Variants in DTNA observed in about 807,000 individuals in gnomAD.
The protein encoded by DTNA is dystrobrevin alpha.
Under a neutral mutation model 100.7 loss-of-function variants are expected in DTNA, and 43 were observed. That is an observed-to-expected ratio of 0.43 (90% CI 0.33 to 0.55). The LOEUF (loss-of-function observed/expected upper bound fraction) is 0.55, where lower values mean the gene tolerates loss of function less well. Ranked by LOEUF, DTNA falls within the 20% of genes least tolerant of loss-of-function variation. The pLI is 0.04. For synonymous variants in DTNA, 349 were observed against 347.9 expected (o/e 1.00, Z -0.04); for missense variants, 798 against 953.9 (o/e 0.84, Z 2.15).
chr18:34,581,272 C>CAAAACA (rs1555629735), intron 1 of DTNA, among the ~76,000 whole-genome samples: 8 of 139,546 alleles, frequency 5.7e-5, no homozygotes, highest in East Asian at 2.0e-4. Flanking sequence ...CAAAACAAAA[C>CAAAACA]AAAAAAACAA....
intron 1 of DTNA, among the ~76,000 whole-genome samples, chr18:34,629,405 T>C (rs1178008887): frequency 2.6e-5 from 4 of 152,224 alleles, no homozygotes; most frequent in Non-Finnish European, 5.9e-5. Flanking sequence ...ACTGGTTTTA[T>C]TTTTTATCCT....
At position 34,674,870 on chromosome 18, in the gene DTNA, G is replaced by A. The variant is rs2077206758; in HGVS notation, c.-1-81106G>A. 2.6e-5 allele frequency among the ~76,000 whole-genome samples: 4 copies of A among 152,254 alleles called. No homozygotes were observed. The South Asian group carries it at 8.3e-4, about 32-fold the overall frequency. On this transcript the variant is annotated intron_variant, in intron 1 of 19. Transcript: ENST00000283365. ...TCATGGTAATTTTAAATGATAACAG[G>A]TGCTGCAATGAAAGACCTCCAAGAG...
intron 11 of DTNA, among the ~76,000 whole-genome samples, chr18:34,834,455 A>G (rs113003526): frequency 2.0e-5 from 3 of 151,988 alleles, no homozygotes; most frequent in African/African-American, 7.3e-5. Flanking sequence ...GTGAGCCAAG[A>G]TCGCACCATT....
intron 21 of DTNA, 77 bp from the exon 22 acceptor site, chr18:34,884,651 C>T (rs1304323339): frequency 1.3e-6 from 2 of 1,531,780 alleles, no homozygotes; most frequent in African/African-American, 1.4e-5. Context: ...TGGCTTCCCG[C>T]CAAATAATTC....
At chr18:34,736,379 G>T (rs548909686) in intron 1 of DTNA, among the ~76,000 whole-genome samples, 2 of 152,006 alleles carry the variant, frequency 1.3e-5, no homozygotes, top group African/African-American at 2.4e-5. Flanking sequence ...GAATAAATCC[G>T]CTCATGCAAA....
chr18:34,735,338 C>A (rs957409362), intron 1 of DTNA, among the ~76,000 whole-genome samples: 2 of 152,152 alleles, frequency 1.3e-5, no homozygotes, highest in African/African-American at 4.8e-5. Flanking sequence ...TTTGGCAGCA[C>A]CCTTGCAGAC....
At chr18:34,781,796 G>C (rs917736991) in intron 3 of DTNA, among the ~76,000 whole-genome samples, 5 of 152,168 alleles carry the variant, frequency 3.3e-5, no homozygotes, top group Admixed American at 2.6e-4. Flanking sequence ...CAGAATGAAT[G>C]AAGTAAAAGT....
chr18:34,850,894 A>C (rs978685080), intron 14 of DTNA, among the ~76,000 whole-genome samples: 1 of 152,186 alleles, frequency 6.6e-6, no homozygotes, highest in African/African-American at 2.4e-5. Flanking sequence ...CTGTGACTGC[A>C]TGTATACCAG....
At chr18:34,679,350 T>C (rs970278116) in intron 1 of DTNA, 3 of 152,198 alleles carry the variant, frequency 2.0e-5, no homozygotes, top group African/African-American at 7.2e-5. Flanking sequence ...TAATAGAGGA[T>C]AAGGGGATTT....
intron 20 of DTNA, among the ~76,000 whole-genome samples, chr18:34,880,716 A>G (rs1017900419): frequency 6.6e-6 from 1 of 152,194 alleles, no homozygotes; most frequent in Non-Finnish European, 1.5e-5. Context: ...AGAATTATCA[A>G]GAGGTGTGGT....
At chr18:34,645,832 C>T (rs1444426783) in intron 1 of DTNA, among the ~76,000 whole-genome samples, 3 of 152,228 alleles carry the variant, frequency 2.0e-5, no homozygotes, top group African/African-American at 7.2e-5. Flanking sequence ...CTCTTTAACT[C>T]GTTTTCTAGT....
intron 5 of DTNA, 60 bp downstream of exon 5, chr18:34,806,364 C>A (rs1242919637): frequency 1.4e-6 from 2 of 1,407,508 alleles, no homozygotes; most frequent in Non-Finnish European, 2.0e-6. Flanking sequence ...ACCCTTTTCT[C>A]TCCCTCATTC....
At chr18:34,561,339 ACTT>A (rs2046618704) in intron 1 of DTNA, among the ~76,000 whole-genome samples, 1 of 152,148 alleles carries the variant, frequency 6.6e-6, no homozygotes, top group African/African-American at 2.4e-5. Flanking sequence ...ATTTTACAGA[ACTT>A]CTCAGTACTG....
chr18:34,646,445 T>C (rs1277906621), intron 1 of DTNA, among the ~76,000 whole-genome samples: 1 of 152,236 alleles, frequency 6.6e-6, no homozygotes, highest in Non-Finnish European at 1.5e-5. Context: ...TTATATTTAA[T>C]GTCTAAAAGT....
intron 1 of DTNA, among the ~76,000 whole-genome samples, chr18:34,511,980 G>A (rs958759199): frequency 3.3e-5 from 5 of 151,844 alleles, no homozygotes. Flanking sequence ...GATTTTTATG[G>A]AGCTTGCATT....
At chr18:34,581,041 T>C (rs12967429) in intron 1 of DTNA, among the ~76,000 whole-genome samples, 16,014 of 151,968 alleles carry the variant, frequency 0.11, 1,242 homozygotes, top group African/African-American at 0.21. Flanking sequence ...GTCAGGAAAT[T>C]GAGACCATCC....
chr18:34,722,552 GAACTA>G (rs1366858770), intron 1 of DTNA, among the ~76,000 whole-genome samples: 7 of 151,452 alleles, frequency 4.6e-5, no homozygotes, highest in Admixed American at 1.3e-4. Flanking sequence ...AATTGATAAT[GAACTA>G]AACTATTTAA....
intron 2 of DTNA, among the ~76,000 whole-genome samples, chr18:34,761,103 A>G (rs1205768877): frequency 1.3e-5 from 2 of 148,202 alleles, no homozygotes; most frequent in Non-Finnish European, 1.5e-5. Flanking sequence ...CTCTCTCAGT[A>G]TCTCTCTCTC....
chr18:34,830,247 A>G (rs1034585615), intron 11 of DTNA, among the ~76,000 whole-genome samples: 2 of 152,144 alleles, frequency 1.3e-5, no homozygotes, highest in African/African-American at 4.8e-5. Context: ...AGCCAAGTAT[A>G]GTGCCAGTCA....
Sources: allele counts gnomAD v4.1 joint callset (sites outside exome capture counted in the v4.1 genomes callset), GRCh38; gene constraint gnomAD v4.1.1; transcripts MANE v1.5; gene names NCBI Gene and HGNC (gene_info 2026-07-23, HGNC 2026-07-21).